The following MDGA2 variants were observed in gnomAD, a reference collection of about 807,000 sequenced individuals.
MDGA2 encodes MAM domain-containing glycosylphosphatidylinositol anchor protein 2.
A neutral mutation model predicts 117.8 loss-of-function variants in MDGA2; 40 were observed. The ratio of observed to expected loss-of-function variants is 0.34; its 90% confidence interval spans 0.26 to 0.44. The LOEUF is 0.44. Ranked by LOEUF, MDGA2 falls within the 20% of genes least tolerant of loss-of-function variation. MDGA2 has a pLI of 1.00. For synonymous variants in MDGA2, 452 were observed against 439.0 expected, an observed-to-expected ratio of 1.03 and a Z score of -0.37; for missense variants, 1,123 against 1,250.6, an observed-to-expected ratio of 0.90 and a Z score of 1.54.
intron 3 of MDGA2, among the ~76,000 whole-genome samples, chr14:47,176,953 A>G (rs1884483357): frequency 1.3e-5 from 2 of 152,214 alleles, no homozygotes; most frequent in South Asian, 4.1e-4. Context: ...ACAAATTTAT[A>G]AGAAAAAAAC....
intron 8 of MDGA2, among the ~76,000 whole-genome samples, chr14:47,000,108 T>C (rs1887449137): frequency 6.6e-6 from 1 of 151,442 alleles, no homozygotes. Flanking sequence ...AAAAATATTA[T>C]AGCTAAAAAG....
At chr14:47,451,366 T>C (rs941765166) in intron 1 of MDGA2, among the ~76,000 whole-genome samples, 1 of 135,512 alleles carries the variant, frequency 7.4e-6, no homozygotes, top group African/African-American at 2.7e-5. Flanking sequence ...TTTTGATTTT[T>C]TTTCCTGATC....
chr14:47,463,367 A>G (rs1217558575), intron 1 of MDGA2, among the ~76,000 whole-genome samples: 2 of 152,154 alleles, frequency 1.3e-5, no homozygotes, highest in African/African-American at 4.8e-5. Context: ...CAGGATATTC[A>G]CAATTTAGGT....
At chr14:47,475,945 C>T (rs1405730934) in intron 1 of MDGA2, among the ~76,000 whole-genome samples, 1 of 152,156 alleles carries the variant, frequency 6.6e-6, no homozygotes, top group South Asian at 2.1e-4. Flanking sequence ...ACAGCCATGA[C>T]ATACGTTTTC....
chr14:47,221,248 A>T (rs185580378), intron 2 of MDGA2, among the ~76,000 whole-genome samples: 2 of 152,326 alleles, frequency 1.3e-5, no homozygotes, highest in Non-Finnish European at 2.9e-5. Flanking sequence ...GAGAGAAAAA[A>T]GTTACTCTGG....
intron 8 of MDGA2, among the ~76,000 whole-genome samples, chr14:46,979,648 A>G (rs1886593938): frequency 1.3e-5 from 2 of 152,180 alleles, no homozygotes; most frequent in African/African-American, 2.4e-5. Context: ...AACCAGCCAC[A>G]ATATGCCCTT....
chr14:47,305,529 G>A (rs1393705939), intron 1 of MDGA2, among the ~76,000 whole-genome samples: 1 of 152,198 alleles, frequency 6.6e-6, no homozygotes, highest in African/African-American at 2.4e-5. Context: ...TATCTTGTTA[G>A]AATATACTTT....
rs554281737 is a variant in MDGA2 at position 47,060,979 on chromosome 14, G to C, written c.1525+270C>G. 7.1e-4 allele frequency among the ~76,000 whole-genome samples: 108 copies of C among 151,986 alleles called. 1 individual carries two copies. Among genetic ancestry groups the C allele is most frequent in the African/African-American group, 2.5e-3 (102 of 41,510 alleles). On this transcript the variant is annotated intron_variant, in intron 7 of 16. Transcript: ENST00000399232. Reference sequence around the variant, plus strand: ...TTCAGAGTATTTTGATGAAATACTAGTATTATTTAACTTATAAGCCTATAT... The same window carrying C: ...TTCAGAGTATTTTGATGAAATACTACTATTATTTAACTTATAAGCCTATAT...
intron 9 of MDGA2, among the ~76,000 whole-genome samples, chr14:46,950,327 C>T (rs1439862015): frequency 6.6e-6 from 1 of 151,680 alleles, no homozygotes; most frequent in Non-Finnish European, 1.5e-5. Context: ...AGAGTTTGAA[C>T]TATGTTATTA....
chr14:47,415,345 T>C (rs1186833725), intron 1 of MDGA2, among the ~76,000 whole-genome samples: 2 of 152,138 alleles, frequency 1.3e-5, no homozygotes, highest in Non-Finnish European at 2.9e-5. Context: ...TTAAAATATG[T>C]TTTACATATA....
chr14:47,400,200 A>G (rs1309410000), intron 1 of MDGA2, among the ~76,000 whole-genome samples: 1 of 152,182 alleles, frequency 6.6e-6, no homozygotes, highest in Non-Finnish European at 1.5e-5. Context: ...TCACAATTTA[A>G]TGTCAAAATC....
intron 1 of MDGA2, among the ~76,000 whole-genome samples, chr14:47,448,172 A>G (rs1239571644): frequency 6.7e-6 from 1 of 150,374 alleles, no homozygotes; most frequent in Non-Finnish European, 1.5e-5. Flanking sequence ...TTTTTTTCAG[A>G]CTGGGTGTTG....
At chr14:47,228,781 C>T (rs568036697) in intron 2 of MDGA2, among the ~76,000 whole-genome samples, 2 of 152,236 alleles carry the variant, frequency 1.3e-5, no homozygotes, top group Non-Finnish European at 2.9e-5. Flanking sequence ...AAAAAGGATA[C>T]AAGCTCCTGA....
chr14:47,190,466 A>C (rs1319004681), intron 3 of MDGA2, among the ~76,000 whole-genome samples: 1 of 152,220 alleles, frequency 6.6e-6, no homozygotes, highest in Non-Finnish European at 1.5e-5. Context: ...CGGAGGAAAT[A>C]TAAAAACAGC....
At chr14:47,622,530 G>T (rs553438988) in intron 1 of MDGA2, among the ~76,000 whole-genome samples, 1 of 152,026 alleles carries the variant, frequency 6.6e-6, no homozygotes, top group African/African-American at 2.4e-5. Flanking sequence ...GATATGGAAA[G>T]AATGTTTCAG....
intron 9 of MDGA2, among the ~76,000 whole-genome samples, chr14:46,929,398 G>C (rs747022743): frequency 6.8e-4 from 102 of 150,942 alleles, no homozygotes; most frequent in Non-Finnish European, 1.3e-3. Flanking sequence ...ATATTAGGAA[G>C]TTACATCTGA....
intron 1 of MDGA2, among the ~76,000 whole-genome samples, chr14:47,555,087 G>A (rs1025479391): frequency 1.3e-5 from 2 of 152,034 alleles, no homozygotes; most frequent in African/African-American, 4.8e-5. Flanking sequence ...CTGGCAACAA[G>A]AGATACAATT....
At chr14:47,242,901 G>C (rs1044298246) in intron 2 of MDGA2, among the ~76,000 whole-genome samples, 3 of 151,816 alleles carry the variant, frequency 2.0e-5, no homozygotes, top group African/African-American at 7.2e-5. Context: ...AAGCCAGCTG[G>C]GCTCCTGAGT....
chr14:47,561,147 T>TTTG (rs1895794686), intron 1 of MDGA2, among the ~76,000 whole-genome samples: 1 of 88,318 alleles, frequency 1.1e-5, no homozygotes, highest in Non-Finnish European at 2.4e-5. Context: ...CTTTGTTTTT[T>TTTG]TTTTTGTTTT....
Sources: gnomAD v4.1 joint callset for allele counts (sites outside exome capture counted in the v4.1 genomes callset) on GRCh38, gnomAD v4.1.1 for gene constraint, MANE v1.5 for transcripts, NCBI Gene and HGNC (gene_info 2026-07-23, HGNC 2026-07-21) for gene names.